The following HDAC4 variants were observed in gnomAD, a reference collection of about 807,000 sequenced individuals.
HDAC4 encodes the protein histone deacetylase 4.
A neutral mutation model predicts 135.1 loss-of-function variants in HDAC4; 16 were observed. The ratio of observed to expected loss-of-function variants is 0.12; its 90% CI spans 0.08 to 0.18. HDAC4 has a LOEUF of 0.18. Ranked by LOEUF, HDAC4 falls within the 10% of genes least tolerant of loss-of-function variation. The probability of loss-of-function intolerance (pLI) is 1.00; values close to 1 mark genes in which losing one functional copy is unlikely to be tolerated. For synonymous variants in HDAC4, 685 were observed against 653.4 expected (o/e 1.05, Z -0.74); for missense variants, 1,143 against 1,511.8 (o/e 0.76, Z 4.05).
At chr2:239,379,539 G>A (rs910593858) in intron 1 of HDAC4, among the ~76,000 whole-genome samples, 2 of 152,160 alleles carry the variant, frequency 1.3e-5, no homozygotes, top group African/African-American at 4.8e-5. Context: ...GGGTCTGGCA[G>A]GTCCCCTCGG....
At chr2:239,327,990 C>T (rs1467915098) in intron 2 of HDAC4, among the ~76,000 whole-genome samples, 2 of 152,232 alleles carry the variant, frequency 1.3e-5, no homozygotes, top group Non-Finnish European at 2.9e-5. Context: ...ATGCCTGGCC[C>T]TGTCCACAAG....
At position 239,052,261 on chromosome 2, in the gene HDAC4, G is replaced by A. The variant is rs780706649; in HGVS notation, c.*836C>T. On this transcript the variant is annotated 3_prime_UTR_variant, in exon 27 of 27. Transcript: ENST00000543185. ...GCCCCGGAGATGACGGCTGGTGCCC[G>A]TGCTTGAGGCGTCAGGCCAGCTCGC... 3 of 152,314 alleles carry A rather than the reference G, an allele frequency of 2.0e-5. No individual in the cohort carries two copies. The highest frequency in any genetic ancestry group is 1.9e-4 in the East Asian group (1 of 5,202). 9.4% of individuals were successfully genotyped at this position (152,314 alleles called of 1,614,324 possible). A position where few individuals can be genotyped will look rare whatever the true frequency, so the allele number is the denominator to read the frequency against.
intron 12 of HDAC4, among the ~76,000 whole-genome samples, chr2:239,116,623 G>A (rs1490281201): frequency 1.3e-5 from 2 of 152,202 alleles, no homozygotes; most frequent in Admixed American, 6.5e-5. Flanking sequence ...GTGAGGGCAC[G>A]CTTTCAAACG....
chr2:239,120,429 G>A (rs1240590286), intron 12 of HDAC4, among the ~76,000 whole-genome samples: 5 of 116,744 alleles, frequency 4.3e-5, no homozygotes, highest in African/African-American at 1.3e-4. Context: ...ACAGACAGAT[G>A]CACAAATAGA....
At chr2:239,165,526 G>A (rs371961873) in intron 5 of HDAC4, among the ~76,000 whole-genome samples, 2 of 152,164 alleles carry the variant, frequency 1.3e-5, no homozygotes, top group African/African-American at 2.4e-5. Flanking sequence ...CTGGAGTTGC[G>A]TGGGTTTCTT....
At chr2:239,350,041 C>G (rs953147283) in intron 2 of HDAC4, among the ~76,000 whole-genome samples, 4 of 152,128 alleles carry the variant, frequency 2.6e-5, no homozygotes, top group Non-Finnish European at 5.9e-5. Context: ...CAGAAAAGGC[C>G]AAACAAACCC....
At chr2:239,380,086 G>A (rs987499088) in intron 1 of HDAC4, among the ~76,000 whole-genome samples, 1 of 152,350 alleles carries the variant, frequency 6.6e-6, no homozygotes, top group East Asian at 1.9e-4. Context: ...GGTCGGGGGC[G>A]CGGCGTGGGC....
At chr2:239,205,629 G>A (rs1346304675) in intron 3 of HDAC4, among the ~76,000 whole-genome samples, 1 of 151,974 alleles carries the variant, frequency 6.6e-6, no homozygotes, top group Non-Finnish European at 1.5e-5. Context: ...GGGCTACGGA[G>A]AGAAATCTAA....
intron 12 of HDAC4, among the ~76,000 whole-genome samples, chr2:239,125,476 C>T (rs939880069): frequency 1.2e-4 from 18 of 152,198 alleles, no homozygotes; most frequent in Admixed American, 8.5e-4. Flanking sequence ...TTATGAATCA[C>T]GCAGTCTGAG....
chr2:239,085,996 A>G (rs2035908468), intron 19 of HDAC4: 1 of 65,956 alleles, frequency 1.5e-5, no homozygotes, highest in African/African-American at 6.8e-5. Context: ...ACTCTGCTCT[A>G]ACACGCGGAT....
intron 13 of HDAC4, among the ~76,000 whole-genome samples, chr2:239,114,023 T>C (rs74000670): frequency 0.03 from 4,577 of 152,286 alleles, 235 homozygotes; most frequent in African/African-American, 0.1. Flanking sequence ...TGGAGACCAC[T>C]GAGCACTGAT....
chr2:239,100,056 A>T (rs182215249), intron 16 of HDAC4, among the ~76,000 whole-genome samples: 1 of 152,228 alleles, frequency 6.6e-6, no homozygotes, highest in African/African-American at 2.4e-5. Context: ...GGCCCCATGG[A>T]GTCTGCAGGT....
intron 2 of HDAC4, among the ~76,000 whole-genome samples, chr2:239,243,715 A>G (rs2048321163): frequency 6.6e-6 from 1 of 152,220 alleles, no homozygotes; most frequent in Admixed American, 6.5e-5. Flanking sequence ...GTGAGTTTAT[A>G]GAAAAATTAA....
At chr2:239,361,331 T>C (rs1486110786) in intron 1 of HDAC4, among the ~76,000 whole-genome samples, 1 of 152,224 alleles carries the variant, frequency 6.6e-6, no homozygotes, top group African/African-American at 2.4e-5. Flanking sequence ...TTTCTGCCTT[T>C]TGGGGGCTAG....
chr2:239,053,960 T>C (rs1356123821), intron 25 of HDAC4, among the ~76,000 whole-genome samples: 1 of 151,808 alleles, frequency 6.6e-6, no homozygotes, highest in African/African-American at 2.4e-5. Flanking sequence ...AGCCTTCCTA[T>C]CTCTGGGAGC....
intron 11 of HDAC4, among the ~76,000 whole-genome samples, chr2:239,132,332 G>A (rs952799507): frequency 2.0e-5 from 3 of 152,212 alleles, no homozygotes; most frequent in African/African-American, 4.8e-5. Flanking sequence ...GCTGCACTAC[G>A]CTGCACACGT....
intron 1 of HDAC4, among the ~76,000 whole-genome samples, chr2:239,374,851 G>C (rs913553439): frequency 3.3e-5 from 5 of 152,340 alleles, no homozygotes; most frequent in Admixed American, 2.0e-4. Flanking sequence ...GCTGGCCACA[G>C]GTCCTGTCAG....
In HDAC4 at chr2:239,126,573, C is replaced by T. The variant is rs772126348; in HGVS notation, c.1416G>A (p.Ser472=). 2.2e-5 allele frequency: 36 copies of T among 1,613,792 alleles called. No individual in the cohort carries two copies. The Middle Eastern group carries it at 5.0e-4, about 22-fold the overall frequency. The change falls in exon 12 of 27, where the codon TCG becomes TCA. Residue 472 remains serine, a synonymous_variant. Transcript: ENST00000543185. ...CCTGGGCGTTCTGGGGCAGCGGGGC[C>T]GACTGGGTCCGCCCCAGTGGGCGGT... is the stretch of plus-strand genomic sequence containing the variant. ...RQHRPLGRTQ[S]APLPQNAQAL...
At position 239,378,767 on chromosome 2, in the gene HDAC4, T is replaced by C. The variant is rs188527104; in HGVS notation, c.-220+22211A>G. Among the ~76,000 whole-genome samples the C allele has an allele frequency of 8.4e-4, 128 of 152,354 alleles. 1 individual carries two copies. Among genetic ancestry groups the C allele is most frequent in the African/African-American group, 2.8e-3 (116 of 41,590 alleles). The stretch of plus-strand genomic sequence containing the variant: ...AGCAACCAATGACCCCGGCATGTCC[T>C]GGGCTCTTCTCTTGTTCACTTGAGG... On this transcript the variant is annotated intron_variant, in intron 1 of 26. Coordinates refer to ENST00000543185, the MANE Select transcript of HDAC4 (RefSeq NM_001378414.1).
Sources: allele counts gnomAD v4.1 joint callset (sites outside exome capture counted in the v4.1 genomes callset), GRCh38; gene constraint gnomAD v4.1.1; transcripts MANE v1.5; gene names NCBI Gene and HGNC (gene_info 2026-07-23, HGNC 2026-07-21).